WDPCP: variants seen among roughly 807,000 people sequenced by gnomAD.
WDPCP encodes WD repeat-containing and planar cell polarity effector protein fritz homolog.
A neutral mutation model predicts 93.1 loss-of-function variants in WDPCP; 71 were observed. The ratio of observed to expected loss-of-function variants is 0.76; its 90% CI spans 0.63 to 0.93. The LOEUF is 0.93. Among genes scored for constraint, WDPCP ranks in the 40% least tolerant of loss-of-function variants. The probability of loss-of-function intolerance (pLI) is 0.00; values close to 1 mark genes in which losing one functional copy is unlikely to be tolerated. For synonymous variants in WDPCP, 315 were observed against 315.0 expected (o/e 1.00, Z 0.00); for missense variants, 844 against 887.4 (o/e 0.95, Z 0.62).
At chr2:63,690,511 T>C (rs1157257054) in intron 2 of WDPCP, among the ~76,000 whole-genome samples, 1 of 152,070 alleles carries the variant, frequency 6.6e-6, no homozygotes, top group East Asian at 1.9e-4. Flanking sequence ...TCCCAGCACT[T>C]TGGAGGCTGA....
At chr2:63,263,126 A>G (rs1470608891) in intron 13 of WDPCP, among the ~76,000 whole-genome samples, 1 of 152,180 alleles carries the variant, frequency 6.6e-6, no homozygotes, top group African/African-American at 2.4e-5. Context: ...AGAGTTAATT[A>G]AGCTTTAGGA....
At chr2:63,407,682 T>G (rs1186761887) in intron 9 of WDPCP, among the ~76,000 whole-genome samples, 1 of 152,216 alleles carries the variant, frequency 6.6e-6, no homozygotes, top group South Asian at 2.1e-4. Flanking sequence ...CCTTCTAGCT[T>G]CTGGCATCTT....
upstream of WDPCP, chr2:63,589,294 C>A: frequency 6.4e-7 from 1 of 1,550,776 alleles, no homozygotes; most frequent in Non-Finnish European, 8.7e-7. Flanking sequence ...GGGAGAGGAG[C>A]GATCTTAATC....
intron 2 of WDPCP, among the ~76,000 whole-genome samples, chr2:63,807,770 T>C (rs1259978191): frequency 2.0e-5 from 3 of 152,346 alleles, no homozygotes; most frequent in East Asian, 3.9e-4. Flanking sequence ...AAACTTATTT[T>C]GAAGGAAGGA....
intron 1 of WDPCP, among the ~76,000 whole-genome samples, chr2:63,586,975 C>T (rs1454171463): frequency 6.6e-6 from 1 of 152,172 alleles, no homozygotes; most frequent in Non-Finnish European, 1.5e-5. Flanking sequence ...GTACTGCACC[C>T]ATTAACTCGT....
chr2:63,660,322 GAA>G (rs1166993685), intron 2 of WDPCP, among the ~76,000 whole-genome samples: 4 of 152,100 alleles, frequency 2.6e-5, no homozygotes, highest in Admixed American at 1.3e-4. Context: ...AAATCAAAGA[GAA>G]AGAAAAAATT....
intron 17 of WDPCP, among the ~76,000 whole-genome samples, chr2:63,138,345 T>C (rs980713240): frequency 1.3e-5 from 2 of 152,098 alleles, no homozygotes; most frequent in East Asian, 1.9e-4. Context: ...CCAGTGCCCA[T>C]TTCCTTGCAA....
chr2:63,519,293 G>A lies in WDPCP; in HGVS notation c.76-26353C>T, dbSNP rs1558745766. Reference sequence around the variant, plus strand: ...CCACCCGCAGGAACATTGGCATGGAGAATCCCAACCCCACACCTGCCAGTG... The same window carrying A: ...CCACCCGCAGGAACATTGGCATGGAAAATCCCAACCCCACACCTGCCAGTG... On this transcript the variant is annotated intron_variant, in intron 1 of 17. Coordinates refer to ENST00000272321, the MANE Select transcript of WDPCP (RefSeq NM_015910.7). 3 of 152,544 alleles carry A rather than the reference G, an allele frequency of 2.0e-5. No homozygotes were observed. In the East Asian group the frequency reaches 5.8e-4, roughly 29 times the overall value. The allele number at this position is 152,544 out of a possible 1,614,324, so 9.4% of individuals were successfully genotyped here. A position where few individuals can be genotyped will look rare whatever the true frequency, so the allele number is the denominator to read the frequency against.
At chr2:63,536,873 C>G (rs2106278490) in intron 1 of WDPCP, among the ~76,000 whole-genome samples, 1 of 140,574 alleles carries the variant, frequency 7.1e-6, no homozygotes, top group African/African-American at 2.6e-5. Context: ...TCAAATGATT[C>G]TTGTGCCTCA....
intron 6 of WDPCP, among the ~76,000 whole-genome samples, chr2:63,479,096 G>T (rs1416093616): frequency 2.0e-5 from 3 of 151,478 alleles, no homozygotes; most frequent in Non-Finnish European, 2.9e-5. Context: ...AGAAGAGACG[G>T]ATAAATTCCT....
chr2:63,285,203 G>A (rs555030322), intron 13 of WDPCP, among the ~76,000 whole-genome samples: 13 of 152,288 alleles, frequency 8.5e-5, no homozygotes, highest in South Asian at 2.1e-4. Context: ...GGCCAAGGGC[G>A]GCGGATCACG....
chr2:63,466,953 T>C (rs1699380404), intron 6 of WDPCP, among the ~76,000 whole-genome samples: 1 of 152,106 alleles, frequency 6.6e-6, no homozygotes, highest in Non-Finnish European at 1.5e-5. Context: ...AGCAAAGAAA[T>C]AACCATTTAT....
chr2:63,572,724 A>AAAAAAAAAAAAAAAAAAAAAAAAAC, intron 1 of WDPCP, among the ~76,000 whole-genome samples: 1 of 148,052 alleles, frequency 6.8e-6, no homozygotes, highest in Non-Finnish European at 1.5e-5. Context: ...AAAAAAAAAA[A>AAAAAAAAAAAAAAAAAAAAAAAAAC]AAGTTGGACA....
At chr2:63,233,958 G>GTATT (rs1417181002) in intron 14 of WDPCP, among the ~76,000 whole-genome samples, 2 of 152,046 alleles carry the variant, frequency 1.3e-5, no homozygotes, top group Non-Finnish European at 2.9e-5. Context: ...ATTCAGCATA[G>GTATT]TATTATAAAA....
At chr2:63,427,962 C>T (rs1696446076) in intron 9 of WDPCP, among the ~76,000 whole-genome samples, 1 of 151,996 alleles carries the variant, frequency 6.6e-6, no homozygotes, top group East Asian at 1.9e-4. Flanking sequence ...ATGCATAAAA[C>T]TTAGAAAATC....
At chr2:63,595,220 T>C (rs1029492951) in intron 3 of WDPCP, among the ~76,000 whole-genome samples, 4 of 152,214 alleles carry the variant, frequency 2.6e-5, no homozygotes, top group Non-Finnish European at 5.9e-5. Context: ...ACTGTGTCTG[T>C]TAGCAAACCA....
intron 13 of WDPCP, among the ~76,000 whole-genome samples, chr2:63,273,933 G>C (rs1682872580): frequency 6.6e-6 from 1 of 152,010 alleles, no homozygotes; most frequent in South Asian, 2.1e-4. Context: ...CTCAGCATTG[G>C]ACAGATAATC....
chr2:63,525,406 A>C (rs1039327162), intron 1 of WDPCP, among the ~76,000 whole-genome samples: 19 of 152,240 alleles, frequency 1.2e-4, no homozygotes, highest in African/African-American at 4.3e-4. Context: ...ATAAAATTTA[A>C]AAAAATAAAA....
intron 6 of WDPCP, among the ~76,000 whole-genome samples, chr2:63,462,380 A>G (rs1299913150): frequency 2.6e-5 from 4 of 152,198 alleles, no homozygotes; most frequent in Admixed American, 2.6e-4. Flanking sequence ...GGATAGCATT[A>G]GGAGATATAC....
Sources: allele counts gnomAD v4.1 joint callset (sites outside exome capture counted in the v4.1 genomes callset), GRCh38; gene constraint gnomAD v4.1.1; transcripts MANE v1.5; gene names NCBI Gene and HGNC (gene_info 2026-07-23, HGNC 2026-07-21).